GLG1: variants seen among roughly 807,000 people sequenced by gnomAD.
The protein encoded by GLG1 is Golgi apparatus protein 1.
A neutral mutation model predicts 160.5 loss-of-function variants in GLG1; 38 were observed. The ratio of observed to expected loss-of-function variants is 0.24; its 90% CI spans 0.18 to 0.31. The LOEUF is 0.31. GLG1 is among the 10% of genes least tolerant of loss of function. The pLI is 1.00. For missense variants in GLG1, 1,373 were observed against 1,505.2 expected, an observed-to-expected ratio of 0.91 and a Z score of 1.45; for synonymous variants, 644 against 543.4, an observed-to-expected ratio of 1.19 and a Z score of -2.57.
At chr16:74,539,561 A>G (rs3096395) in intron 1 of GLG1, among the ~76,000 whole-genome samples, 139,302 of 147,654 alleles carry the variant, frequency 0.94, 65,928 homozygotes, top group East Asian at 1. Flanking sequence ...GCATACTTAC[A>G]CATAGGTATA....
intron 1 of GLG1, among the ~76,000 whole-genome samples, chr16:74,575,474 T>A (rs1460735148): frequency 6.6e-6 from 1 of 152,148 alleles, no homozygotes; most frequent in African/African-American, 2.4e-5. Flanking sequence ...AATAACAAAA[T>A]ATTATGACCA....
intron 1 of GLG1, among the ~76,000 whole-genome samples, chr16:74,565,852 T>C (rs1246117588): frequency 6.6e-6 from 1 of 152,108 alleles, no homozygotes; most frequent in Non-Finnish European, 1.5e-5. Context: ...AACTAAAAAG[T>C]TTGGTTTAGG....
chr16:74,515,818 G>C (rs954317011), intron 2 of GLG1, among the ~76,000 whole-genome samples: 2 of 151,500 alleles, frequency 1.3e-5, no homozygotes, highest in South Asian at 2.1e-4. Context: ...CACGTGCAGA[G>C]ACACACATAG....
chr16:74,564,430 T>C (rs1187287873), intron 1 of GLG1, among the ~76,000 whole-genome samples: 1 of 152,236 alleles, frequency 6.6e-6, no homozygotes, highest in African/African-American at 2.4e-5. Flanking sequence ...CTAACAGTCA[T>C]AATAGCAGTC....
chr16:74,503,848 A>G (rs1255763301), intron 3 of GLG1, 102 bp from the exon 4 acceptor site: 23 of 765,088 alleles, frequency 3.0e-5, no homozygotes, highest in Middle Eastern at 2.6e-4. Flanking sequence ...TTGATTTCCT[A>G]ATTCTTTACT....
chr16:74,564,662 G>C (rs1597351900), intron 1 of GLG1, among the ~76,000 whole-genome samples: 1 of 152,310 alleles, frequency 6.6e-6, no homozygotes, highest in South Asian at 2.1e-4. Context: ...ACACCCAAGT[G>C]AGAACCTGAC....
chr16:74,529,809 GTTCTTTTTT>G (rs1489179075), intron 2 of GLG1, among the ~76,000 whole-genome samples: 2 of 104,098 alleles, frequency 1.9e-5, no homozygotes, highest in African/African-American at 7.4e-5. Context: ...CTCTTTGAGA[GTTCTTTTTT>G]TTTTTTTTTT....
chr16:74,449,506 T>C lies in GLG1; in HGVS notation c.*3661A>G, dbSNP rs535835858. ...TCTCACCATTAGATTCTTCTGTTAG[T>C]TGATCTCAGGAAACAGAAACAAATG... On this transcript the variant is annotated 3_prime_UTR_variant, in exon 26 of 26. Transcript: ENST00000422840. The C allele has an allele frequency of 6.6e-6, 1 of 152,228 alleles. No individual in the cohort carries two copies. Among genetic ancestry groups the C allele is most frequent in the East Asian group, 1.9e-4 (1 of 5,182 alleles). 9.4% of individuals were successfully genotyped at this position (152,228 alleles called of 1,614,324 possible).
At chr16:74,548,155 C>G (rs889769821) in intron 1 of GLG1, among the ~76,000 whole-genome samples, 5 of 152,192 alleles carry the variant, frequency 3.3e-5, no homozygotes, top group Non-Finnish European at 7.3e-5. Context: ...TGACTCACAA[C>G]GAGCACTTTA....
At chr16:74,485,630 G>A (rs2015761901) in intron 9 of GLG1, among the ~76,000 whole-genome samples, 166 bp downstream of exon 9, 1 of 152,160 alleles carries the variant, frequency 6.6e-6, no homozygotes. Context: ...CAGATCCTAG[G>A]TTTTCATTCC....
chr16:74,567,717 C>T (rs959688279), intron 1 of GLG1, among the ~76,000 whole-genome samples: 3 of 151,144 alleles, frequency 2.0e-5, no homozygotes, highest in African/African-American at 7.3e-5. Flanking sequence ...TACAGGCGCC[C>T]GCCACCGCGC....
chr16:74,597,893 G>C (rs1338024356), intron 1 of GLG1, among the ~76,000 whole-genome samples: 1 of 148,074 alleles, frequency 6.8e-6, no homozygotes, highest in Admixed American at 6.8e-5. Context: ...GTGTGTACCT[G>C]TAGTCCTAGC....
chr16:74,554,967 A>G (rs993707219), intron 1 of GLG1, among the ~76,000 whole-genome samples: 1 of 152,202 alleles, frequency 6.6e-6, no homozygotes, highest in African/African-American at 2.4e-5. Context: ...AATGAGCTAT[A>G]ATCTCACCAC....
At chr16:74,466,946 T>C (rs1044089041) in intron 18 of GLG1, among the ~76,000 whole-genome samples, 1 of 152,114 alleles carries the variant, frequency 6.6e-6, no homozygotes, top group African/African-American at 2.4e-5. Flanking sequence ...GGGAAAGCAG[T>C]ATGTGAAAGA....
intron 1 of GLG1, among the ~76,000 whole-genome samples, chr16:74,572,587 G>A (rs571948015): frequency 7.2e-5 from 11 of 151,734 alleles, no homozygotes; most frequent in Admixed American, 3.3e-4. Flanking sequence ...CCAGATAACT[G>A]GACACAGGTT....
In GLG1 at chr16:74,467,824, C is replaced by T. The variant is rs752993017; in HGVS notation, c.2461G>A (p.Asp821Asn). Residue 821 changes from aspartate (D) to asparagine (N), a missense_variant, in exon 18 of 26, where the codon GAT becomes AAT. Coordinates refer to ENST00000422840, the MANE Select transcript of GLG1 (RefSeq NM_001145667.2). ...TCACTCTTGCAGGCTTCGTATAGAT[C>T]TGGCTCCAAGCGGATGTCCTCCGTC... ...EMTEDIRLEP[D>N]LYEACKSDIK... The T allele has an allele frequency of 6.2e-6, 10 of 1,613,364 alleles. No individual in the cohort carries two copies. The South Asian group carries it at 1.1e-4, about 18-fold the overall frequency.
intron 1 of GLG1, among the ~76,000 whole-genome samples, chr16:74,582,814 C>G (rs1448683101): frequency 6.7e-6 from 1 of 150,088 alleles, no homozygotes; most frequent in Non-Finnish European, 1.5e-5. Flanking sequence ...GAGTGAGACT[C>G]CTTCTCAAAA....
intron 13 of GLG1, chr16:74,472,799 G>C (rs1200620369): frequency 2.8e-6 from 1 of 357,434 alleles, no homozygotes; most frequent in African/African-American, 2.1e-5. Flanking sequence ...TCATAAGCCA[G>C]AGCACTGCCC....
rs553417688 is a variant in GLG1, at chr16:74,539,819, T to A, written c.439-7666A>T. Among the ~76,000 whole-genome samples, 18 of 147,650 alleles carry A rather than the reference T, an allele frequency of 1.2e-4. No homozygotes were observed. The South Asian group carries it at 3.0e-3, about 25-fold the overall frequency. On this transcript the variant is annotated intron_variant, in intron 1 of 25. Coordinates refer to ENST00000422840, the MANE Select transcript of GLG1 (RefSeq NM_001145667.2). The stretch of plus-strand genomic sequence containing the variant: ...CAAACTTTACTTTGAGAAGTCAAAT[T>A]ACATCTTAGTTTTAAGAAAACTCTA...
Sources: allele counts gnomAD v4.1 joint callset (sites outside exome capture counted in the v4.1 genomes callset), GRCh38; gene constraint gnomAD v4.1.1; transcripts MANE v1.5; gene names NCBI Gene and HGNC (gene_info 2026-07-23, HGNC 2026-07-21).